Variants in GALNTL6 observed in about 807,000 individuals in gnomAD.
The protein encoded by GALNTL6 is polypeptide N-acetylgalactosaminyltransferase-like 6.
GALNTL6 carries 46 observed loss-of-function variants against 73.7 expected under a neutral mutation model. That is an observed-to-expected ratio of 0.62 (90% CI 0.49 to 0.80). The LOEUF (loss-of-function observed/expected upper bound fraction) is 0.80, where lower values mean the gene tolerates loss of function less well. Ranked by LOEUF, GALNTL6 falls within the 30% of genes least tolerant of loss-of-function variation. The pLI is 0.00. For synonymous variants in GALNTL6, 259 were observed against 263.7 expected (o/e 0.98, Z 0.17); for missense variants, 604 against 755.0 (o/e 0.80, Z 2.34).
intron 7 of GALNTL6, among the ~76,000 whole-genome samples, chr4:172,831,592 A>T (rs1742643432): frequency 6.6e-6 from 1 of 152,178 alleles, no homozygotes; most frequent in Non-Finnish European, 1.5e-5. Context: ...CCAAGGGGAA[A>T]AATCACAGGT....
At chr4:171,937,271 C>A (rs910739713) in intron 2 of GALNTL6, among the ~76,000 whole-genome samples, 1 of 152,052 alleles carries the variant, frequency 6.6e-6, no homozygotes, top group Non-Finnish European at 1.5e-5. Flanking sequence ...ATTACTATTG[C>A]TATTTTATTA....
intron 5 of GALNTL6, among the ~76,000 whole-genome samples, chr4:172,578,369 G>C (rs1333328085): frequency 2.0e-5 from 3 of 152,156 alleles, no homozygotes; most frequent in Non-Finnish European, 4.4e-5. Context: ...ACGTTCTTCA[G>C]CTTAGGCTTT....
At chr4:172,520,441 C>G (rs1206767313) in intron 5 of GALNTL6, among the ~76,000 whole-genome samples, 1 of 151,830 alleles carries the variant, frequency 6.6e-6, no homozygotes, top group East Asian at 1.9e-4. Context: ...CATTTAAAAT[C>G]ATATATACTG....
At chr4:172,841,832 A>G (rs1743229607) in intron 7 of GALNTL6, among the ~76,000 whole-genome samples, 2 of 152,152 alleles carry the variant, frequency 1.3e-5, no homozygotes, top group Admixed American at 1.3e-4. Context: ...ATCAACCCCT[A>G]TCTTCTGCCA....
chr4:171,876,442 ATTACT>A (rs1458790120), intron 2 of GALNTL6, among the ~76,000 whole-genome samples: 1 of 152,234 alleles, frequency 6.6e-6, no homozygotes, highest in Non-Finnish European at 1.5e-5. Flanking sequence ...TAACTTGATA[ATTACT>A]TTATGACTCA....
intron 5 of GALNTL6, among the ~76,000 whole-genome samples, chr4:172,689,631 T>C (rs2111253910): frequency 6.6e-6 from 1 of 152,284 alleles, no homozygotes; most frequent in East Asian, 1.9e-4. Context: ...TCTTCTAAGT[T>C]CTTAATGCTT....
At chr4:172,928,767 G>T (rs1327759166) in intron 8 of GALNTL6, among the ~76,000 whole-genome samples, 1 of 152,158 alleles carries the variant, frequency 6.6e-6, no homozygotes, top group Non-Finnish European at 1.5e-5. Context: ...CACATCTTTA[G>T]TTCTTTCAAT....
chr4:172,936,630 TAGAG>T (rs982782602), intron 9 of GALNTL6, among the ~76,000 whole-genome samples: 2 of 152,010 alleles, frequency 1.3e-5, no homozygotes, highest in African/African-American at 2.4e-5. Flanking sequence ...ACACCAATAA[TAGAG>T]AGCCAAATTG....
intron 2 of GALNTL6, among the ~76,000 whole-genome samples, chr4:171,999,356 T>C (rs1252448225): frequency 6.6e-6 from 1 of 152,182 alleles, no homozygotes; most frequent in East Asian, 1.9e-4. Context: ...ATATATTTCA[T>C]AGAAATAATG....
At chr4:172,768,140 C>G (rs1738551412) in intron 5 of GALNTL6, among the ~76,000 whole-genome samples, 1 of 152,076 alleles carries the variant, frequency 6.6e-6, no homozygotes, top group African/African-American at 2.4e-5. Context: ...TGAAGTCTAT[C>G]CTATTTTATT....
At chr4:172,698,535 GC>G (rs1441510443) in intron 5 of GALNTL6, among the ~76,000 whole-genome samples, 1 of 152,118 alleles carries the variant, frequency 6.6e-6, no homozygotes, top group Non-Finnish European at 1.5e-5. Flanking sequence ...AATTCTGGGA[GC>G]TCCATTATTT....
At chr4:172,045,338 G>A (rs906167284) in intron 2 of GALNTL6, among the ~76,000 whole-genome samples, 4 of 151,926 alleles carry the variant, frequency 2.6e-5, no homozygotes, top group African/African-American at 7.2e-5. Flanking sequence ...CCATATTTAC[G>A]TGGAAAAATA....
At chr4:172,933,479 T>C (rs1374561538) in intron 9 of GALNTL6, among the ~76,000 whole-genome samples, 3 of 152,158 alleles carry the variant, frequency 2.0e-5, no homozygotes, top group African/African-American at 4.8e-5. Flanking sequence ...AAAAAGTGAA[T>C]ATTTATTCAA....
At chr4:171,994,856 A>T (rs1008815502) in intron 2 of GALNTL6, among the ~76,000 whole-genome samples, 1 of 152,074 alleles carries the variant, frequency 6.6e-6, no homozygotes, top group Non-Finnish European at 1.5e-5. Context: ...AGAGTGAACA[A>T]ATTTGCAACG....
chr4:172,764,450 A>G (rs1051094982), intron 5 of GALNTL6, among the ~76,000 whole-genome samples: 27 of 152,132 alleles, frequency 1.8e-4, no homozygotes, highest in African/African-American at 3.8e-4. Flanking sequence ...AACTAGTTAT[A>G]TATAATAATT....
In GALNTL6 at chr4:172,730,069, A is replaced by G. The variant is rs528743918; in HGVS notation, c.554-79292A>G. ...CCATATATAAATGCTACTGATTTTT[A>G]TATGTTGATTTTGTATCCTGAAACT... is the stretch of plus-strand genomic sequence containing the variant. On this transcript the variant is annotated intron_variant, in intron 5 of 12. Coordinates refer to ENST00000506823, the MANE Select transcript of GALNTL6 (RefSeq NM_001034845.3). 2.0e-5 allele frequency among the ~76,000 whole-genome samples: 3 copies of G among 152,082 alleles called. No homozygotes were observed. In the South Asian group the frequency reaches 6.2e-4, roughly 32 times the overall value.
chr4:172,434,557 C>T (rs2111389160), intron 5 of GALNTL6, among the ~76,000 whole-genome samples: 1 of 152,134 alleles, frequency 6.6e-6, no homozygotes. Context: ...ATAGACTTGC[C>T]TTTTTTGTAG....
At chr4:172,394,407 G>T (rs1376580917) in intron 5 of GALNTL6, among the ~76,000 whole-genome samples, 1 of 148,944 alleles carries the variant, frequency 6.7e-6, no homozygotes, top group African/African-American at 2.5e-5. Context: ...CAGTAGTCTT[G>T]CAATTTATTT....
intron 5 of GALNTL6, among the ~76,000 whole-genome samples, chr4:172,800,561 T>C (rs1740580832): frequency 6.6e-6 from 1 of 152,208 alleles, no homozygotes; most frequent in Admixed American, 6.5e-5. Flanking sequence ...GTAAGATATT[T>C]ACATTTGGGC....
Sources: gnomAD v4.1 joint callset for allele counts (sites outside exome capture counted in the v4.1 genomes callset) on GRCh38, gnomAD v4.1.1 for gene constraint, MANE v1.5 for transcripts, NCBI Gene and HGNC (gene_info 2026-07-23, HGNC 2026-07-21) for gene names.